CLEC3B: variants seen among roughly 807,000 people sequenced by gnomAD.
CLEC3B encodes the protein tetranectin.
A neutral mutation model predicts 15.4 loss-of-function variants in CLEC3B; 13 were observed. That is an observed-to-expected ratio of 0.84 (90% CI 0.55 to 1.34). The LOEUF (loss-of-function observed/expected upper bound fraction) is 1.34. Ranked by LOEUF, CLEC3B falls within the 40% of genes most tolerant of loss-of-function variation. The pLI is 0.00. For synonymous variants in CLEC3B, 112 were observed against 114.7 expected, an observed-to-expected ratio of 0.98 and a Z score of 0.15; for missense variants, 242 against 268.6, an observed-to-expected ratio of 0.90 and a Z score of 0.69.
intron 1 of CLEC3B, among the ~76,000 whole-genome samples, chr3:45,028,772 C>T (rs1370360876): frequency 5.3e-5 from 8 of 152,094 alleles, no homozygotes; most frequent in East Asian, 1.9e-4. Flanking sequence ...AAAGAAGGGA[C>T]GGTCATGCCA....
chr3:45,026,509 G>A lies in CLEC3B; in HGVS notation c.109+38G>A, dbSNP rs781085423. The A allele has an allele frequency of 7.7e-6, 12 of 1,567,560 alleles. No individual in the cohort carries two copies. The African/African-American group carries it at 1.5e-4, about 19-fold the overall frequency. Reference sequence around the variant, plus strand: ...ACAGAGCCCTGTGCCATCTTCCAGGGAGCAGGTCCCCCTCTCCTTAGTGTG... The same window carrying A: ...ACAGAGCCCTGTGCCATCTTCCAGGAAGCAGGTCCCCCTCTCCTTAGTGTG... On this transcript the variant is annotated intron_variant, in intron 1 of 2. Transcript: ENST00000296130.
Position 45,036,034 on chromosome 3 carries a change from T to A in CLEC3B, c.*110T>A. On this transcript the variant is annotated 3_prime_UTR_variant, in exon 3 of 3. Transcript: ENST00000296130. ...ATCCTCTCCGTGCGCTTGGAGCCTC[T>A]TTTTGCAAATAAAGTTGGTGCAGCT... 1 of 1,261,286 alleles carries A rather than the reference T, an allele frequency of 7.9e-7. No homozygotes were observed. The highest frequency in any genetic ancestry group is 1.6e-5 in the South Asian group (1 of 64,474). The allele number at this position is 1,261,286 out of a possible 1,614,324, so 78.1% of individuals were successfully genotyped here.
At chr3:45,034,596 A>T (rs1317869239) in intron 2 of CLEC3B, 2 of 152,246 alleles carry the variant, frequency 1.3e-5, no homozygotes, top group African/African-American at 4.8e-5. Flanking sequence ...GTATGTCTAG[A>T]TATTTCAGCT....
At chr3:45,028,219 G>A (rs1454664271) in intron 1 of CLEC3B, among the ~76,000 whole-genome samples, 1 of 152,200 alleles carries the variant, frequency 6.6e-6, no homozygotes, top group Non-Finnish European at 1.5e-5. Flanking sequence ...AACCATGGTG[G>A]TTCTCACTCA....
Position 45,026,390 on chromosome 3 carries a change from C to T in CLEC3B, c.28C>T (p.Leu10Phe), listed in dbSNP as rs1339912593. 2 of 1,614,156 alleles carry T rather than the reference C, an allele frequency of 1.2e-6. No individual in the cohort carries two copies. Among genetic ancestry groups the T allele is most frequent in the Admixed American group, 1.7e-5 (1 of 60,022 alleles). The change falls in exon 1 of 3, where the codon CTC becomes TTC. Residue 10 changes from leucine to phenylalanine, a missense_variant. Physicochemically the swap from Leu to Phe is conservative, Grantham distance 22. Coordinates refer to ENST00000296130, the MANE Select transcript of CLEC3B (RefSeq NM_003278.3). ...GGAGCTCTGGGGGGCCTACCTCCTCCTCTGCCTCTTCTCCCTCCTGACCCA... is the reference window on the plus strand; with the variant it reads ...GGAGCTCTGGGGGGCCTACCTCCTCTTCTGCCTCTTCTCCCTCCTGACCCA... MELWGAYLL[L>F]CLFSLLTQVT...
chr3:45,027,989 C>T (rs542899319), intron 1 of CLEC3B, among the ~76,000 whole-genome samples: 2 of 150,692 alleles, frequency 1.3e-5, no homozygotes, highest in East Asian at 2.0e-4. Flanking sequence ...AGCTGTCACA[C>T]TTGAACCCTG....
At chr3:45,028,581 A>C (rs1472290386) in intron 1 of CLEC3B, among the ~76,000 whole-genome samples, 1 of 152,218 alleles carries the variant, frequency 6.6e-6, no homozygotes, top group Non-Finnish European at 1.5e-5. Flanking sequence ...AATAAATAAA[A>C]TAAAAGTTAA....
Position 45,035,605 on chromosome 3 carries a change from A to G in CLEC3B, c.290A>G (p.Asp97Gly). 3 of 1,614,094 alleles carry G rather than the reference A, an allele frequency of 1.9e-6. No homozygotes were observed. Among genetic ancestry groups the G allele is most frequent in the South Asian group, 1.1e-5 (1 of 91,086 alleles). Residue 97 changes from aspartate to glycine, a missense_variant, in exon 3 of 3, where the codon GAC becomes GGC. By Grantham distance (94) the Asp-to-Gly change is moderately conservative. Transcript: ENST00000296130. ...QTKTFHEASE[D>G]CISRGGTLGT... is the part of the protein sequence containing the mutation. ...AAGACCTTCCACGAGGCCAGCGAGGACTGCATCTCGCGCGGGGGCACCCTG... is the reference window on the plus strand; with the variant it reads ...AAGACCTTCCACGAGGCCAGCGAGGGCTGCATCTCGCGCGGGGGCACCCTG...
chr3:45,026,508 G>A (rs754708053), intron 1 of CLEC3B, 37 bp downstream of exon 1: 2 of 1,570,282 alleles, frequency 1.3e-6, no homozygotes, highest in South Asian at 1.1e-5. Context: ...CATCTTCCAG[G>A]GAGCAGGTCC....
In CLEC3B at chr3:45,035,556, T is replaced by C; in HGVS notation, c.241T>C (p.Cys81Arg). Residue 81 changes from cysteine (C) to arginine (R), a missense_variant, in exon 3 of 3, where the codon TGC becomes CGC. Coordinates refer to ENST00000296130, the MANE Select transcript of CLEC3B (RefSeq NM_003278.3). The stretch of plus-strand genomic sequence containing the variant: ...GAAGGGGACCAAGGTGCACATGAAA[T>C]GCTTTCTGGCCTTCACCCAGACGAA... ...CLKGTKVHMK[C>R]FLAFTQTKTF... 1 of 1,611,450 alleles carries C rather than the reference T, an allele frequency of 6.2e-7. No individual in the cohort carries two copies. The highest frequency in any genetic ancestry group is 8.5e-7 in the Non-Finnish European group (1 of 1,178,190).
intron 2 of CLEC3B, among the ~76,000 whole-genome samples, chr3:45,035,074 T>C (rs942786779): frequency 8.5e-5 from 13 of 152,112 alleles, no homozygotes; most frequent in Non-Finnish European, 1.9e-4. Flanking sequence ...GCTAATTTGT[T>C]AGGGTGAGCC....
In CLEC3B at chr3:45,035,510, C is replaced by T. The variant is rs905004997; in HGVS notation, c.209-14C>T. On this transcript the variant is annotated splice_polypyrimidine_tract_variant and intron_variant, in intron 2 of 2. Coordinates refer to ENST00000296130, the MANE Select transcript of CLEC3B (RefSeq NM_003278.3). ...GGGGGACCTTCGGTGACAGCCATTT[C>T]TCCCCACTCCCAGTCTGCCTGAAGG... 6.4e-7 allele frequency: 1 copy of T among 1,574,172 alleles called. No individual in the cohort carries two copies. The highest frequency in any genetic ancestry group is 8.7e-7 in the Non-Finnish European group (1 of 1,155,980).
At position 45,035,627 on chromosome 3, in the gene CLEC3B, C is replaced by T. The variant is rs11545365; in HGVS notation, c.312C>T (p.Thr104=). ...AGGACTGCATCTCGCGCGGGGGCAC[C>T]CTGGGCACCCCTCAGACTGGCTCGG... The part of the protein sequence containing the change: ...ASEDCISRGG[T]LGTPQTGSEN... The change falls in exon 3 of 3, where the codon ACC becomes ACT. Residue 104 remains threonine, a synonymous_variant. Transcript: ENST00000296130. 103,702 of 1,614,040 alleles carry T rather than the reference C, an allele frequency of 0.064. 3,891 individuals are homozygous for T. The highest frequency in any genetic ancestry group is 0.14 in the African/African-American group (10,621 of 75,026).
chr3:45,029,543 T>C lies in CLEC3B; in HGVS notation c.110-1284T>C, dbSNP rs576212580. ...GCTCATCAGGGTGTTTTTGCTCCAG[T>C]TTGGTAAGTTACATCGCTAATTTCT... On this transcript the variant is annotated intron_variant, in intron 1 of 2. Coordinates refer to ENST00000296130, the MANE Select transcript of CLEC3B (RefSeq NM_003278.3). 5.9e-5 allele frequency among the ~76,000 whole-genome samples: 9 copies of C among 152,298 alleles called. No individual in the cohort carries two copies. In the South Asian group the frequency reaches 1.9e-3, roughly 32 times the overall value.
Position 45,035,748 on chromosome 3 carries a change from G to C in CLEC3B, c.433G>C (p.Val145Leu). The C allele has an allele frequency of 6.2e-7, 1 of 1,613,784 alleles. No individual in the cohort carries two copies. Reference sequence around the variant, plus strand: ...CGACATGGCGGCCGAGGGCACCTGGGTGGACATGACCGGCGCCCGCATCGC... The same window carrying C: ...CGACATGGCGGCCGAGGGCACCTGGCTGGACATGACCGGCGCCCGCATCGC... Reference protein sequence around the residue: ...LNDMAAEGTWVDMTGARIAYK... With the variant: ...LNDMAAEGTWLDMTGARIAYK... The change falls in exon 3 of 3, where the codon GTG (valine) becomes CTG (leucine). Residue 145 changes from valine to leucine, a missense_variant. Physicochemically the swap from Val to Leu is conservative, Grantham distance 32. Coordinates refer to ENST00000296130, the MANE Select transcript of CLEC3B (RefSeq NM_003278.3).
At chr3:45,027,073 C>T (rs1366335819) in intron 1 of CLEC3B, among the ~76,000 whole-genome samples, 1 of 152,194 alleles carries the variant, frequency 6.6e-6, no homozygotes, top group African/African-American at 2.4e-5. Context: ...TTGGGGTGTC[C>T]CTCGGTTGCT....
intron 2 of CLEC3B, among the ~76,000 whole-genome samples, chr3:45,034,816 A>T (rs2372851): frequency 0.49 from 74,069 of 151,726 alleles, 18,865 homozygotes; most frequent in East Asian, 0.87. Context: ...AGCTCTATCC[A>T]CTCAGCCCCA....
At position 45,027,195 on chromosome 3, in the gene CLEC3B, C is replaced by G. The variant is rs533049813; in HGVS notation, c.109+724C>G. On this transcript the variant is annotated intron_variant, in intron 1 of 2. Coordinates refer to ENST00000296130, the MANE Select transcript of CLEC3B (RefSeq NM_003278.3). The stretch of plus-strand genomic sequence containing the variant: ...GGCAATGGACGGGGCTGTCACCCCC[C>G]CAGGGAGCAGAGGCTAGAAGAGAGT... Among the ~76,000 whole-genome samples the G allele has an allele frequency of 2.4e-4, 36 of 152,298 alleles. No individual in the cohort carries two copies. The South Asian group carries it at 7.0e-3, about 30-fold the overall frequency.
chr3:45,033,054 G>A (rs1697586368), intron 2 of CLEC3B, among the ~76,000 whole-genome samples: 1 of 152,194 alleles, frequency 6.6e-6, no homozygotes, highest in Admixed American at 6.5e-5. Flanking sequence ...TAGTGGAGGT[G>A]GACAAGAGAG....
Sources: allele counts gnomAD v4.1 joint callset (sites outside exome capture counted in the v4.1 genomes callset), GRCh38; gene constraint gnomAD v4.1.1; transcripts MANE v1.5; gene names NCBI Gene and HGNC (gene_info 2026-07-23, HGNC 2026-07-21).